Variants in KIRREL3 observed in about 807,000 individuals in gnomAD.
KIRREL3 encodes the protein kirre like nephrin family adhesion molecule 3, also known as kin of IRRE-like protein 3.
A neutral mutation model predicts 89.7 loss-of-function variants in KIRREL3; 36 were observed. The observed-to-expected ratio is 0.40, with a 90% CI of 0.31 to 0.53. The LOEUF is 0.53. Ranked by LOEUF, KIRREL3 falls within the 20% of genes least tolerant of loss-of-function variation. KIRREL3 has a pLI of 0.49. For missense variants in KIRREL3, 864 were observed against 1,056.6 expected, an observed-to-expected ratio of 0.82 and a Z score of 2.53; for synonymous variants, 445 against 441.4, an observed-to-expected ratio of 1.01 and a Z score of -0.10.
rs1942307689 is a variant in KIRREL3, at chr11:126,594,707, A to G, written c.56-31795T>C. Among the ~76,000 whole-genome samples the G allele has an allele frequency of 6.6e-6, 1 of 152,068 alleles. No individual in the cohort carries two copies. Among genetic ancestry groups the G allele is most frequent in the African/African-American group, 2.4e-5 (1 of 41,350 alleles). On this transcript the variant is annotated intron_variant, in intron 1 of 16. Transcript: ENST00000525144. The surrounding 1 kb of genome is among the most constrained non-coding windows in gnomAD (Gnocchi z 5.0). ...AATTCTCTAACCCATGCTCCTGGCC[A>G]ACTCTCCTCTGTCCAGCCGCAGGTC...
chr11:126,909,638 G>C lies in KIRREL3; in HGVS notation c.55+90817C>G, dbSNP rs767104631. Reference sequence around the variant, plus strand: ...TGTCCTCCACCCTTTCAGCAGGCCAGGAGTCTCTTGGGAAGCCTACCAAAG... The same window carrying C: ...TGTCCTCCACCCTTTCAGCAGGCCACGAGTCTCTTGGGAAGCCTACCAAAG... On this transcript the variant is annotated intron_variant, in intron 1 of 16. Transcript: ENST00000525144. The surrounding 1 kb of genome is among the most constrained non-coding windows in gnomAD (Gnocchi z 4.5). Among the ~76,000 whole-genome samples, 1 of 152,224 alleles carries C rather than the reference G, an allele frequency of 6.6e-6. No homozygotes were observed. Among genetic ancestry groups the C allele is most frequent in the Non-Finnish European group, 1.5e-5 (1 of 68,000 alleles).
Position 126,462,162 on chromosome 11 carries a change from G to T in KIRREL3, c.742+995C>A, listed in dbSNP as rs1041828226. On this transcript the variant is annotated intron_variant, in intron 6 of 16. Transcript: ENST00000525144. This position sits in a 1 kb window ranked among gnomAD's most constrained non-coding sequence, Gnocchi z 4.8. The stretch of plus-strand genomic sequence containing the variant: ...TAGGTGGTTGTGGGATGCGATGCTG[G>T]TGGAGCCCTGAAGCATCATAACTGT... 5.9e-5 allele frequency among the ~76,000 whole-genome samples: 9 copies of T among 152,126 alleles called. No homozygotes were observed. Among genetic ancestry groups the T allele is most frequent in the Admixed American group, 5.2e-4 (8 of 15,276 alleles).
chr11:127,001,974 A>G (rs748778760), upstream of KIRREL3, among the ~76,000 whole-genome samples: 17 of 152,326 alleles, frequency 1.1e-4, no homozygotes, highest in Non-Finnish European at 2.1e-4. Context: ...TTCTAAAATC[A>G]GTCATTACTG....
rs746278861 is a variant in KIRREL3 at position 126,490,920 on chromosome 11, G to A, written c.434-17454C>T. Among the ~76,000 whole-genome samples the A allele has an allele frequency of 6.6e-6, 1 of 152,172 alleles. No individual in the cohort carries two copies. The highest frequency in any genetic ancestry group is 1.5e-5 in the Non-Finnish European group (1 of 68,034). ...GCTCATTTGCTCTTAAGGGTGCAGG[G>A]GGTCCACAAATGCCTGAGGATCCAC... On this transcript the variant is annotated intron_variant, in intron 4 of 16. Coordinates refer to ENST00000525144, the MANE Select transcript of KIRREL3 (RefSeq NM_032531.4). This position sits in a 1 kb window ranked among gnomAD's most constrained non-coding sequence, Gnocchi z 4.2.
chr11:126,894,797 G>T (rs1213177652), intron 1 of KIRREL3, among the ~76,000 whole-genome samples: 3 of 151,956 alleles, frequency 2.0e-5, no homozygotes, highest in African/African-American at 4.8e-5. Flanking sequence ...AGAGGCTCCA[G>T]ATGCTATGAA....
At chr11:126,911,711 C>T (rs547082638) in intron 1 of KIRREL3, among the ~76,000 whole-genome samples, 12 of 152,120 alleles carry the variant, frequency 7.9e-5, no homozygotes, top group Non-Finnish European at 1.6e-4. Flanking sequence ...CATCCGGGCA[C>T]GGTGGCTCAC....
At chr11:126,552,871 C>CT (rs141567463) in intron 2 of KIRREL3, among the ~76,000 whole-genome samples, 2,781 of 147,602 alleles carry the variant, frequency 0.019, 38 homozygotes, top group Non-Finnish European at 0.025. Context: ...CCAAGAAAAG[C>CT]TTTTTTTTTT....
chr11:126,723,322 G>C lies in KIRREL3; in HGVS notation c.56-160410C>G, dbSNP rs1051572903. Among the ~76,000 whole-genome samples the C allele has an allele frequency of 6.6e-6, 1 of 152,206 alleles. No individual in the cohort carries two copies. The highest frequency in any genetic ancestry group is 2.4e-5 in the African/African-American group (1 of 41,446). On this transcript the variant is annotated intron_variant, in intron 1 of 16. Transcript: ENST00000525144. The surrounding 1 kb of genome is among the most constrained non-coding windows in gnomAD (Gnocchi z 4.0). ...TAGAATGAAAGGCAAAGGGAACAGT[G>C]CTGAGCCAGAGAACACAGCATTAGT... is the stretch of plus-strand genomic sequence containing the variant.
intron 7 of KIRREL3, among the ~76,000 whole-genome samples, chr11:126,451,473 C>CAT (rs1482292104): frequency 2.4e-5 from 3 of 124,694 alleles, no homozygotes; most frequent in Admixed American, 8.1e-5. Flanking sequence ...TGGGCATGTG[C>CAT]ATGTGTGTGT....
rs1380884183 is a variant in KIRREL3, at chr11:126,696,850, C to G, written c.56-133938G>C. The stretch of plus-strand genomic sequence containing the variant: ...GAATGAGGTTGACTAGCGCTTACAT[C>G]CAGACACTACTGTACCACTTGCTTT... On this transcript the variant is annotated intron_variant, in intron 1 of 16. Coordinates refer to ENST00000525144, the MANE Select transcript of KIRREL3 (RefSeq NM_032531.4). The surrounding 1 kb of genome is among the most constrained non-coding windows in gnomAD (Gnocchi z 4.4). Among the ~76,000 whole-genome samples the G allele has an allele frequency of 6.6e-6, 1 of 152,184 alleles. No homozygotes were observed. Among genetic ancestry groups the G allele is most frequent in the Admixed American group, 6.5e-5 (1 of 15,286 alleles).
At position 126,976,116 on chromosome 11, in the gene KIRREL3, A is replaced by G. The variant is rs1173027837; in HGVS notation, c.55+24339T>C. 6.6e-6 allele frequency among the ~76,000 whole-genome samples: 1 copy of G among 151,940 alleles called. No individual in the cohort carries two copies. The highest frequency in any genetic ancestry group is 1.5e-5 in the Non-Finnish European group (1 of 68,000). ...ATGAACACATCGCTTTCTACAGAGG[A>G]TGCTGAGAAGCACATTATTTGTCAC... On this transcript the variant is annotated intron_variant, in intron 1 of 16. Coordinates refer to ENST00000525144, the MANE Select transcript of KIRREL3 (RefSeq NM_032531.4). This position sits in a 1 kb window ranked among gnomAD's most constrained non-coding sequence, Gnocchi z 4.2.
rs571465337 is a variant in KIRREL3, at chr11:126,707,352, G to A, written c.56-144440C>T. Among the ~76,000 whole-genome samples the A allele has an allele frequency of 1.2e-3, 181 of 151,432 alleles. 3 individuals are homozygous for A. The highest frequency in any genetic ancestry group is 3.4e-3 in the Middle Eastern group (1 of 292). ...TTATGGTTTCGTCTTTCATCTAGGC[G>A]GAATTTGTCTTGCTACAAGGGGTGA... On this transcript the variant is annotated intron_variant, in intron 1 of 16. Coordinates refer to ENST00000525144, the MANE Select transcript of KIRREL3 (RefSeq NM_032531.4).
chr11:126,545,897 T>C (rs1938779348), intron 2 of KIRREL3, among the ~76,000 whole-genome samples: 1 of 152,210 alleles, frequency 6.6e-6, no homozygotes, highest in Admixed American at 6.5e-5. Flanking sequence ...GGCCATTTAA[T>C]GTAGAACTCA....
Position 126,655,897 on chromosome 11 carries a change from T to C in KIRREL3, c.56-92985A>G, listed in dbSNP as rs1397280245. 6.6e-6 allele frequency among the ~76,000 whole-genome samples: 1 copy of C among 152,174 alleles called. No individual in the cohort carries two copies. Among genetic ancestry groups the C allele is most frequent in the East Asian group, 1.9e-4 (1 of 5,200 alleles). On this transcript the variant is annotated intron_variant, in intron 1 of 16. Transcript: ENST00000525144. This position sits in a 1 kb window ranked among gnomAD's most constrained non-coding sequence, Gnocchi z 5.0. Reference sequence around the variant, plus strand: ...GGACAACGTGACTTTCTCTTATTTTTTGTTCCTGACACTGTTTGCACTGAC... The same window carrying C: ...GGACAACGTGACTTTCTCTTATTTTCTGTTCCTGACACTGTTTGCACTGAC...
intron 1 of KIRREL3, among the ~76,000 whole-genome samples, chr11:126,911,048 G>C (rs1946796050): frequency 1.3e-5 from 2 of 152,190 alleles, no homozygotes; most frequent in Admixed American, 6.5e-5. Flanking sequence ...CTGTGGAGGA[G>C]AAAGTCACCA....
chr11:126,490,200 TTGTGTGTGTG>T lies in KIRREL3; in HGVS notation c.434-16744_434-16735del, dbSNP rs10609593. 7.1e-6 allele frequency among the ~76,000 whole-genome samples: 1 copy of T among 140,986 alleles called. No homozygotes were observed. The highest frequency in any genetic ancestry group is 1.5e-5 in the Non-Finnish European group (1 of 66,218). 92.5% of individuals were successfully genotyped at this position (140,986 alleles called of 152,430 possible). On this transcript the variant is annotated intron_variant, in intron 4 of 16. Coordinates refer to ENST00000525144, the MANE Select transcript of KIRREL3 (RefSeq NM_032531.4). This position sits in a 1 kb window ranked among gnomAD's most constrained non-coding sequence, Gnocchi z 4.2. Reference sequence around the variant, plus strand: ...TATTTGCATTTGGCTTTGGAATGCATTGTGTGTGTGTGTGTGTGTGTGTGTGTGTGGCGGG... The same window carrying T: ...TATTTGCATTTGGCTTTGGAATGCATTGTGTGTGTGTGTGTGTGTGGCGGG...
At position 126,564,161 on chromosome 11, in the gene KIRREL3, C is replaced by T. The variant is rs1940340443; in HGVS notation, c.56-1249G>A. Among the ~76,000 whole-genome samples, 1 of 152,212 alleles carries T rather than the reference C, an allele frequency of 6.6e-6. No homozygotes were observed. The highest frequency in any genetic ancestry group is 6.5e-5 in the Admixed American group (1 of 15,284). On this transcript the variant is annotated intron_variant, in intron 1 of 16. Coordinates refer to ENST00000525144, the MANE Select transcript of KIRREL3 (RefSeq NM_032531.4). The surrounding 1 kb of genome is among the most constrained non-coding windows in gnomAD (Gnocchi z 7.4). ...CTTTGATTTCTCAGAGAAAGAGGGT[C>T]CCAATGAGTGATGCATCACAGCACC...
intron 4 of KIRREL3, among the ~76,000 whole-genome samples, chr11:126,504,979 A>G (rs1304275379): frequency 1.3e-5 from 2 of 152,252 alleles, no homozygotes; most frequent in African/African-American, 2.4e-5. Flanking sequence ...AACTCTCAAC[A>G]AAGTAGGAAC....
rs560101911 is a variant in KIRREL3, at chr11:126,671,351, A to C, written c.56-108439T>G. Among the ~76,000 whole-genome samples, 169 of 151,994 alleles carry C rather than the reference A, an allele frequency of 1.1e-3. 2 individuals carry two copies. In the South Asian group the frequency reaches 0.026, roughly 23 times the overall value. On this transcript the variant is annotated intron_variant, in intron 1 of 16. Transcript: ENST00000525144. ...CTGAGTAGCTGAGATTACGGGCATG[A>C]GCCACCATGCCTGGTTGGTGATGAG...
Sources: gnomAD v4.1 joint callset for allele counts (sites outside exome capture counted in the v4.1 genomes callset) on GRCh38, gnomAD v4.1.1 for gene constraint, Gnocchi (gnomAD v3.1) non-coding constraint, MANE v1.5 for transcripts, NCBI Gene and HGNC (gene_info 2026-07-23, HGNC 2026-07-21) for gene names.